The following MOB1B variants were observed in gnomAD, a reference collection of about 807,000 sequenced individuals.
The protein encoded by MOB1B is MOB kinase activator 1B.
MOB1B carries 19 observed loss-of-function variants against 24.4 expected under a neutral mutation model. That is an observed-to-expected ratio of 0.78 (90% CI 0.54 to 1.14). MOB1B has a LOEUF of 1.14. Ranked by LOEUF, MOB1B falls within the 50% of genes most tolerant of loss-of-function variation. MOB1B has a pLI of 0.00. For missense variants in MOB1B, 243 were observed against 259.6 expected (o/e 0.94, Z 0.44); for synonymous variants, 76 against 82.1 (o/e 0.93, Z 0.40).
chr4:70,902,461 C>G lies in MOB1B; in HGVS notation c.-76C>G. On this transcript the variant is annotated 5_prime_UTR_variant, in exon 1 of 6. Transcript: ENST00000309395. ...CCTCCCTGTCTCCTGTTCCATTCGC[C>G]TTTCCTCTTCTTTCCTGGCCCACGC... 1 of 1,498,066 alleles carries G rather than the reference C, an allele frequency of 6.7e-7. No individual in the cohort carries two copies. Among genetic ancestry groups the G allele is most frequent in the Non-Finnish European group, 9.1e-7 (1 of 1,099,076 alleles). 92.8% of individuals were successfully genotyped at this position (1,498,066 alleles called of 1,614,324 possible). A position where few individuals can be genotyped will look rare whatever the true frequency, so the allele number is the denominator to read the frequency against.
intron 1 of MOB1B, among the ~76,000 whole-genome samples, chr4:70,939,329 C>T (rs571396162): frequency 6.6e-6 from 1 of 152,186 alleles, no homozygotes; most frequent in Admixed American, 6.5e-5. Flanking sequence ...AAAGAGAAAA[C>T]AACTAAATTT....
chr4:70,972,010 T>C (rs1203786503), intron 3 of MOB1B, among the ~76,000 whole-genome samples: 2 of 149,368 alleles, frequency 1.3e-5, no homozygotes, highest in South Asian at 2.1e-4. Context: ...CTTTCTCCCT[T>C]TTTTTTTTTG....
intron 1 of MOB1B, among the ~76,000 whole-genome samples, chr4:70,948,394 G>A (rs78449413): frequency 0.025 from 3,855 of 152,162 alleles, 172 homozygotes; most frequent in African/African-American, 0.088. Flanking sequence ...CATCTCCACA[G>A]TCAATTATAT....
chr4:70,957,029 G>A (rs150273996), intron 1 of MOB1B, among the ~76,000 whole-genome samples: 1 of 151,944 alleles, frequency 6.6e-6, no homozygotes, highest in East Asian at 1.9e-4. Flanking sequence ...ATTGGGGTTG[G>A]GGGTGTAAAG....
chr4:70,966,746 C>G (rs1484924765), intron 2 of MOB1B, among the ~76,000 whole-genome samples: 1 of 151,572 alleles, frequency 6.6e-6, no homozygotes, highest in East Asian at 1.9e-4. Context: ...CCTAATTACT[C>G]AAGGAGATTG....
rs114571766 is a variant in MOB1B at position 70,982,367 on chromosome 4, G to A, written c.*310G>A. 0.011 allele frequency: 2,251 copies of A among 212,088 alleles called. 22 individuals are homozygous for A. The highest frequency in any genetic ancestry group is 0.017 in the Non-Finnish European group (1,797 of 105,952). The allele number at this position is 212,088 out of a possible 1,614,324, so 13.1% of individuals were successfully genotyped here. ...GAAAGTGCTTGTTGATTGAACTGCC[G>A]ATGGATTGGTTTCTGTGTGGTATAA... is the stretch of plus-strand genomic sequence containing the variant. On this transcript the variant is annotated 3_prime_UTR_variant, in exon 6 of 6. Transcript: ENST00000309395.
chr4:70,979,023 T>C (rs1739103362), intron 4 of MOB1B, 105 bp from the exon 5 acceptor site: 1 of 896,334 alleles, frequency 1.1e-6, no homozygotes, highest in Admixed American at 2.3e-5. Context: ...TAAATGCTAC[T>C]TCTTTTCAGC....
intron 1 of MOB1B, among the ~76,000 whole-genome samples, chr4:70,948,537 T>C (rs1000758117): frequency 6.6e-6 from 1 of 152,240 alleles, no homozygotes; most frequent in Non-Finnish European, 1.5e-5. Flanking sequence ...TAATTGTTTC[T>C]TTTCATAATT....
chr4:70,915,657 C>A (rs955889572), intron 1 of MOB1B, among the ~76,000 whole-genome samples: 2 of 152,016 alleles, frequency 1.3e-5, no homozygotes, highest in African/African-American at 4.8e-5. Context: ...GCCTTCAGGC[C>A]CTATTTTCCT....
chr4:70,902,461 C>T lies in MOB1B; in HGVS notation c.-76C>T, dbSNP rs1419760735. Reference sequence around the variant, plus strand: ...CCTCCCTGTCTCCTGTTCCATTCGCCTTTCCTCTTCTTTCCTGGCCCACGC... The same window carrying T: ...CCTCCCTGTCTCCTGTTCCATTCGCTTTTCCTCTTCTTTCCTGGCCCACGC... On this transcript the variant is annotated 5_prime_UTR_variant, in exon 1 of 6. Coordinates refer to ENST00000309395, the MANE Select transcript of MOB1B (RefSeq NM_173468.4). 5 of 1,497,954 alleles carry T rather than the reference C, an allele frequency of 3.3e-6. No homozygotes were observed. The highest frequency in any genetic ancestry group is 1.7e-4 in the Middle Eastern group (1 of 5,926). 92.8% of individuals were successfully genotyped at this position (1,497,954 alleles called of 1,614,324 possible).
intron 1 of MOB1B, among the ~76,000 whole-genome samples, chr4:70,937,351 T>C (rs1477001735): frequency 6.6e-6 from 1 of 152,150 alleles, no homozygotes; most frequent in Non-Finnish European, 1.5e-5. Flanking sequence ...CGTGGATCTA[T>C]TTTCATGCAC....
At chr4:70,966,637 G>A (rs1738542826) in intron 2 of MOB1B, among the ~76,000 whole-genome samples, 1 of 151,658 alleles carries the variant, frequency 6.6e-6, no homozygotes, top group Admixed American at 6.6e-5. Flanking sequence ...GCCTCCCAAA[G>A]TGCTGGGATT....
chr4:70,967,618 A>C (rs1373198500), intron 2 of MOB1B, among the ~76,000 whole-genome samples: 2 of 152,192 alleles, frequency 1.3e-5, no homozygotes. Flanking sequence ...ATTATTACTA[A>C]TAGATGAGTT....
chr4:70,921,468 CTCTCT>C (rs1291660752), intron 1 of MOB1B, among the ~76,000 whole-genome samples: 62 of 115,336 alleles, frequency 5.4e-4, no homozygotes, highest in East Asian at 2.4e-3. Context: ...TTCTTTTCTT[CTCTCT>C]TCTCTTCTCT....
intron 2 of MOB1B, among the ~76,000 whole-genome samples, chr4:70,966,940 C>T (rs1578396059): frequency 6.6e-6 from 1 of 151,932 alleles, no homozygotes; most frequent in African/African-American, 2.4e-5. Flanking sequence ...CGTATCACAA[C>T]AATACATGCA....
intron 4 of MOB1B, chr4:70,975,687 C>T: frequency 2.1e-6 from 2 of 966,272 alleles, no homozygotes; most frequent in Non-Finnish European, 2.5e-6. Context: ...TGAGAATAAA[C>T]TTACTTCCCT....
chr4:70,908,089 G>C (rs1450791248), intron 1 of MOB1B, among the ~76,000 whole-genome samples: 1 of 150,382 alleles, frequency 6.6e-6, no homozygotes, highest in Non-Finnish European at 1.5e-5. Flanking sequence ...CCAGTGGCGC[G>C]ATCTCGGCTC....
At chr4:70,920,297 G>A (rs931012770) in intron 1 of MOB1B, among the ~76,000 whole-genome samples, 5 of 150,926 alleles carry the variant, frequency 3.3e-5, no homozygotes, top group Non-Finnish European at 5.9e-5. Context: ...CTCACTCTCC[G>A]CTCACTGCAC....
At chr4:70,978,729 A>G (rs145057703) in intron 4 of MOB1B, among the ~76,000 whole-genome samples, 2 of 152,336 alleles carry the variant, frequency 1.3e-5, no homozygotes, top group East Asian at 3.9e-4. Flanking sequence ...ATAAACTGCA[A>G]GCATTTTAAA....
Sources: allele counts gnomAD v4.1 joint callset (sites outside exome capture counted in the v4.1 genomes callset), GRCh38; gene constraint gnomAD v4.1.1; transcripts MANE v1.5; gene names NCBI Gene and HGNC (gene_info 2026-07-23, HGNC 2026-07-21).